VTI1A: variants seen among roughly 807,000 people sequenced by gnomAD.
VTI1A encodes the protein vesicle transport through interaction with t-SNAREs homolog 1A.
In VTI1A, 22 loss-of-function variants were observed where a neutral mutation model predicts 34.9. That is an observed-to-expected ratio of 0.63 (90% CI 0.45 to 0.90). VTI1A has a LOEUF of 0.90. Ranked by LOEUF, VTI1A falls within the 40% of genes least tolerant of loss-of-function variation. The probability of loss-of-function intolerance (pLI) is 0.00; values close to 1 mark genes in which losing one functional copy is unlikely to be tolerated. For synonymous variants in VTI1A, 87 were observed against 97.3 expected, an observed-to-expected ratio of 0.89 and a Z score of 0.62; for missense variants, 268 against 275.6, an observed-to-expected ratio of 0.97 and a Z score of 0.20.
At chr10:112,851,347 C>T in the VTI1A span, among the ~76,000 whole-genome samples, 4 of 152,326 alleles carry the variant, frequency 2.6e-5, no homozygotes, top group South Asian at 6.2e-4. Context: ...AGACAATGTG[C>T]TCATGGCACA....
intron 3 of VTI1A, among the ~76,000 whole-genome samples, chr10:112,496,191 C>CCCT (rs1230925489): frequency 8.8e-6 from 1 of 114,180 alleles, no homozygotes; most frequent in Admixed American, 8.3e-5. Flanking sequence ...GGAGACCCCC[C>CCCT]CCCCCCCCCC....
intron 5 of VTI1A, among the ~76,000 whole-genome samples, chr10:112,640,546 AAAC>A (rs904407235): frequency 2.0e-5 from 3 of 152,014 alleles, no homozygotes; most frequent in Non-Finnish European, 2.9e-5. Flanking sequence ...GAAAAAAAAC[AAAC>A]AACAACAACA....
intron 5 of VTI1A, among the ~76,000 whole-genome samples, chr10:112,588,785 C>G (rs1203241375): frequency 6.6e-6 from 1 of 152,188 alleles, no homozygotes; most frequent in East Asian, 1.9e-4. Context: ...TCAACACTTT[C>G]TCTTTCCTGG....
At chr10:112,607,854 G>A (rs1045647113) in intron 5 of VTI1A, among the ~76,000 whole-genome samples, 2 of 152,120 alleles carry the variant, frequency 1.3e-5, no homozygotes, top group African/African-American at 2.4e-5. Flanking sequence ...TTCTTCATAG[G>A]CAAGTATCCA....
chr10:112,594,163 T>TC (rs1844520233), intron 5 of VTI1A, among the ~76,000 whole-genome samples: 1 of 152,120 alleles, frequency 6.6e-6, no homozygotes. Context: ...CGCCTCGGCC[T>TC]CCCAAAGTGC....
intron 7 of VTI1A, among the ~76,000 whole-genome samples, chr10:112,771,968 T>C (rs1003710955): frequency 2.0e-5 from 3 of 152,218 alleles, no homozygotes; most frequent in African/African-American, 7.2e-5. Context: ...CCAATGGACA[T>C]TTAGGTTGTT....
chr10:112,639,463 C>T (rs915672481), intron 5 of VTI1A, among the ~76,000 whole-genome samples: 21 of 152,110 alleles, frequency 1.4e-4, no homozygotes, highest in African/African-American at 4.8e-4. Context: ...GTATTTCTCT[C>T]CTCATGTTAA....
intron 5 of VTI1A, among the ~76,000 whole-genome samples, chr10:112,654,049 C>T (rs1400584271): frequency 6.6e-6 from 1 of 152,148 alleles, no homozygotes; most frequent in Non-Finnish European, 1.5e-5. Flanking sequence ...TTGTTGTATT[C>T]TGTATTTTAG....
At chr10:112,619,274 G>A (rs1845639921) in intron 5 of VTI1A, among the ~76,000 whole-genome samples, 1 of 152,084 alleles carries the variant, frequency 6.6e-6, no homozygotes, top group South Asian at 2.1e-4. Context: ...GGCTTAATGG[G>A]AATAAAAATG....
At chr10:112,565,708 T>A (rs1225773458) in intron 5 of VTI1A, among the ~76,000 whole-genome samples, 1 of 152,178 alleles carries the variant, frequency 6.6e-6, no homozygotes, top group Non-Finnish European at 1.5e-5. Context: ...TACATGGAAA[T>A]GGAAATGTGG....
At chr10:112,697,671 C>T (rs1204812872) in intron 7 of VTI1A, among the ~76,000 whole-genome samples, 1 of 152,112 alleles carries the variant, frequency 6.6e-6, no homozygotes, top group Non-Finnish European at 1.5e-5. Flanking sequence ...GCTGAGATTA[C>T]AGGAGTGAGC....
chr10:112,549,814 T>C (rs1302564534), intron 5 of VTI1A, among the ~76,000 whole-genome samples: 4 of 152,206 alleles, frequency 2.6e-5, no homozygotes, highest in Non-Finnish European at 5.9e-5. Flanking sequence ...GTAGTTACCA[T>C]TTACCTTACA....
intron 7 of VTI1A, among the ~76,000 whole-genome samples, chr10:112,749,838 T>C (rs146496241): frequency 6.6e-6 from 1 of 152,246 alleles, no homozygotes; most frequent in East Asian, 1.9e-4. Context: ...GTAGCAGAAA[T>C]TTAGAAGCAA....
chr10:112,685,301 T>C (rs1848365520), intron 7 of VTI1A, among the ~76,000 whole-genome samples: 1 of 152,200 alleles, frequency 6.6e-6, no homozygotes, highest in Non-Finnish European at 1.5e-5. Flanking sequence ...CTGTATCTCT[T>C]ATGTTTGTCA....
At chr10:112,537,087 C>T (rs1019043477) in intron 4 of VTI1A, among the ~76,000 whole-genome samples, 1 of 151,694 alleles carries the variant, frequency 6.6e-6, no homozygotes, top group Admixed American at 6.6e-5. Flanking sequence ...ATGTGTGGCA[C>T]CTCCTTTTTT....
chr10:112,540,555 G>C (rs1457042157), intron 5 of VTI1A, among the ~76,000 whole-genome samples: 1 of 152,174 alleles, frequency 6.6e-6, no homozygotes, highest in Non-Finnish European at 1.5e-5. Context: ...ATTTACTTTT[G>C]TGGATGAATT....
chr10:112,575,842 TTC>T (rs2134380264), intron 5 of VTI1A, among the ~76,000 whole-genome samples: 1 of 150,518 alleles, frequency 6.6e-6, no homozygotes, highest in Non-Finnish European at 1.5e-5. Flanking sequence ...ATTCAAATTG[TTC>T]TGTTAAATTA....
chr10:112,497,211 G>C (rs554565605), intron 3 of VTI1A, among the ~76,000 whole-genome samples: 1 of 152,040 alleles, frequency 6.6e-6, no homozygotes, highest in Non-Finnish European at 1.5e-5. Context: ...CCAGGTACTC[G>C]GGAGGCTGAG....
chr10:112,593,232 A>G (rs1844464178), intron 5 of VTI1A, among the ~76,000 whole-genome samples: 1 of 152,246 alleles, frequency 6.6e-6, no homozygotes, highest in African/African-American at 2.4e-5. Flanking sequence ...GCCCCATGCC[A>G]GGCCGATTGA....
Sources: gnomAD v4.1 joint callset for allele counts (sites outside exome capture counted in the v4.1 genomes callset) on GRCh38, gnomAD v4.1.1 for gene constraint, MANE v1.5 for transcripts, NCBI Gene and HGNC (gene_info 2026-07-23, HGNC 2026-07-21) for gene names.